The following FAT3 variants were observed in gnomAD, a reference collection of about 807,000 sequenced individuals.
The protein encoded by FAT3 is protocadherin Fat 3.
FAT3 carries 95 observed loss-of-function variants against 310.2 expected under a neutral mutation model. That is an observed-to-expected ratio of 0.31 (90% confidence interval 0.26 to 0.36). FAT3 has a LOEUF of 0.36. Ranked by LOEUF, FAT3 falls within the 10% of genes least tolerant of loss-of-function variation. FAT3 has a pLI of 1.00. For missense variants in FAT3, 5,408 were observed against 5,715.6 expected (o/e 0.95, Z 1.74); for synonymous variants, 2,314 against 2,192.9 (o/e 1.06, Z -1.54).
chr11:92,293,070 AAG>A (rs1946737531), intron 1 of FAT3, among the ~76,000 whole-genome samples: 1 of 137,226 alleles, frequency 7.3e-6, no homozygotes, highest in Non-Finnish European at 1.6e-5. Flanking sequence ...GGAAGGAAGG[AAG>A]GAAGGAAAGA....
intron 1 of FAT3, among the ~76,000 whole-genome samples, chr11:92,321,436 CA>C (rs61666151): frequency 1.5e-3 from 188 of 122,214 alleles, no homozygotes; most frequent in Middle Eastern, 4.7e-3. Flanking sequence ...GACTCCGTCT[CA>C]AAAAAAAAAA....
chr11:92,837,580 C>A (rs75183864), intron 16 of FAT3, 83 bp from the exon 17 acceptor site: 1 of 1,517,616 alleles, frequency 6.6e-7, no homozygotes, highest in East Asian at 2.3e-5. Context: ...CAAAGCACAG[C>A]CTGTAGCTCC....
At chr11:92,854,863 G>A (rs937677533) in intron 19 of FAT3, among the ~76,000 whole-genome samples, 8 of 152,206 alleles carry the variant, frequency 5.3e-5, no homozygotes, top group Non-Finnish European at 8.8e-5. Context: ...AAACACAGAA[G>A]CTTATAAAGA....
intron 3 of FAT3, among the ~76,000 whole-genome samples, chr11:92,590,085 C>T (rs963499056): frequency 5.3e-5 from 8 of 152,162 alleles, no homozygotes; most frequent in Admixed American, 3.3e-4. Flanking sequence ...GTTTTCTCCA[C>T]GAAACTGCTA....
chr11:92,549,849 AT>A (rs1182530992), intron 3 of FAT3, among the ~76,000 whole-genome samples: 22 of 152,290 alleles, frequency 1.4e-4, no homozygotes, highest in African/African-American at 4.8e-4. Context: ...GAGATTAATG[AT>A]ACCCAACATT....
chr11:92,810,109 A>G (rs2136212129), intron 13 of FAT3, 33 bp downstream of exon 13: 1 of 1,588,056 alleles, frequency 6.3e-7, no homozygotes, highest in Admixed American at 1.7e-5. Context: ...CCTGTCACAC[A>G]GTGGACACTT....
Position 92,844,245 on chromosome 11 carries a change from C to A in FAT3, c.10878C>A (p.Arg3626=), listed in dbSNP as rs1348541779. 2 of 1,614,020 alleles carry A rather than the reference C, an allele frequency of 1.2e-6. No individual in the cohort carries two copies. The highest frequency in any genetic ancestry group is 1.1e-5 in the South Asian group (1 of 91,082). ...YVLNVSVSDG[R]FQVPIDVVVH... Reference sequence around the variant, plus strand: ...TGAATGTGTCTGTGAGTGATGGTCGCTTCCAGGTACCCATTGATGTGGTCG... The same window carrying A: ...TGAATGTGTCTGTGAGTGATGGTCGATTCCAGGTACCCATTGATGTGGTCG... Residue 3626 remains arginine (R), a synonymous_variant, in exon 19 of 28, where the codon CGC becomes CGA. Transcript: ENST00000525166.
At chr11:92,488,929 G>C (rs994980174) in intron 2 of FAT3, among the ~76,000 whole-genome samples, 1 of 152,010 alleles carries the variant, frequency 6.6e-6, no homozygotes, top group Non-Finnish European at 1.5e-5. Flanking sequence ...ATAAGCACAG[G>C]TTACTTCATA....
intron 3 of FAT3, among the ~76,000 whole-genome samples, chr11:92,678,354 G>T (rs1943356960): frequency 6.6e-6 from 1 of 152,126 alleles, no homozygotes; most frequent in South Asian, 2.1e-4. Flanking sequence ...ATTTGGGTGT[G>T]GAGAGGTGGA....
intron 3 of FAT3, among the ~76,000 whole-genome samples, chr11:92,588,750 C>A (rs2135553217): frequency 6.7e-6 from 1 of 150,268 alleles, no homozygotes; most frequent in Middle Eastern, 3.4e-3. Context: ...TACAAAAAAG[C>A]AAATAGTATG....
intron 1 of FAT3, among the ~76,000 whole-genome samples, chr11:92,313,549 T>C (rs940805759): frequency 4.6e-5 from 7 of 152,102 alleles, no homozygotes; most frequent in African/African-American, 1.7e-4. Context: ...CAAACCCATT[T>C]TTTGTTTTGT....
In FAT3 at chr11:92,745,803, C is replaced by T. The variant is rs192788184; in HGVS notation, c.3670-16053C>T. Among the ~76,000 whole-genome samples, 5 of 152,288 alleles carry T rather than the reference C, an allele frequency of 3.3e-5. No homozygotes were observed. The South Asian group carries it at 8.3e-4, about 25-fold the overall frequency. On this transcript the variant is annotated intron_variant, in intron 4 of 27. Transcript: ENST00000525166. ...TCCTGAAATGCAAGGTCCATGCATG[C>T]ATGCATTCAACCAACAAATATTTGT...
intron 1 of FAT3, among the ~76,000 whole-genome samples, chr11:92,350,354 A>AT (rs753277127): frequency 3.5e-3 from 338 of 97,726 alleles, no homozygotes; most frequent in Middle Eastern, 0.01. Context: ...TCCTGTAGGG[A>AT]TTTTTTTTTT....
rs199620788 is a variant in FAT3 at position 92,799,186 on chromosome 11, G to T, written c.6173G>T (p.Arg2058Leu). The change falls in exon 10 of 28, where the codon CGT (arginine) becomes CTT (leucine). Residue 2058 changes from arginine to leucine, a missense_variant. Physicochemically the swap from Arg to Leu is moderately radical, Grantham distance 102. Coordinates refer to ENST00000525166, the MANE Select transcript of FAT3 (RefSeq NM_001367949.2). ...TATGAGCTGGTGGTAGAAGCCAGCC[G>T]TGAGCTGGACCATCTGCGTGTGGCC... ...ELYELVVEAS[R>L]ELDHLRVARV... 1.9e-6 allele frequency: 3 copies of T among 1,613,950 alleles called. No homozygotes were observed.
rs940721839 is a variant in FAT3, at chr11:92,882,836, G to A, written c.12380G>A (p.Gly4127Asp). 1 of 1,611,734 alleles carries A rather than the reference G, an allele frequency of 6.2e-7. No homozygotes were observed. The highest frequency in any genetic ancestry group is 1.1e-5 in the South Asian group (1 of 90,270). ...TCCTTCCTCTGCAACTGCACGCCGG[G>A]CTACGTGGGCCAGTACTGCGGGCTG... The part of the protein sequence containing the change: ...FGSFLCNCTP[G>D]YVGQYCGLRP... The change falls in exon 24 of 28, where the codon GGC (glycine) becomes GAC (aspartate). Residue 4127 changes from glycine to aspartate, a missense_variant. Coordinates refer to ENST00000525166, the MANE Select transcript of FAT3 (RefSeq NM_001367949.2).
chr11:92,832,938 G>C (rs551560152), intron 14 of FAT3, among the ~76,000 whole-genome samples: 1 of 152,140 alleles, frequency 6.6e-6, no homozygotes, highest in Non-Finnish European at 1.5e-5. Context: ...TTCATGGTCA[G>C]AACACTCATT....
At chr11:92,231,878 C>A (rs1158066615) in intron 1 of FAT3, among the ~76,000 whole-genome samples, 1 of 151,324 alleles carries the variant, frequency 6.6e-6, no homozygotes, top group Non-Finnish European at 1.5e-5. Flanking sequence ...GAGGCTATAT[C>A]TTGGTAGCAG....
chr11:92,562,102 A>G (rs1415256361), intron 3 of FAT3, among the ~76,000 whole-genome samples: 8 of 152,126 alleles, frequency 5.3e-5, no homozygotes, highest in Non-Finnish European at 5.9e-5. Context: ...GGCAGTATTC[A>G]CTAATCCCTT....
chr11:92,497,192 C>T (rs933299950), intron 2 of FAT3, among the ~76,000 whole-genome samples: 2 of 152,030 alleles, frequency 1.3e-5, no homozygotes, highest in African/African-American at 4.8e-5. Context: ...TGTCACATTT[C>T]TGTCCCCTTA....
Sources: allele counts gnomAD v4.1 joint callset (sites outside exome capture counted in the v4.1 genomes callset), GRCh38; gene constraint gnomAD v4.1.1; transcripts MANE v1.5; gene names NCBI Gene and HGNC (gene_info 2026-07-23, HGNC 2026-07-21).